The following AFF3 variants were observed in gnomAD, a reference collection of about 807,000 sequenced individuals.
AFF3 encodes ALF transcription elongation factor 3.
A neutral mutation model predicts 129.7 loss-of-function variants in AFF3; 32 were observed. The ratio of observed to expected loss-of-function variants is 0.25; its 90% CI spans 0.19 to 0.33. AFF3 has a LOEUF of 0.33. AFF3 is among the 10% of genes least tolerant of loss of function. The probability of loss-of-function intolerance (pLI) is 1.00; values close to 1 mark genes in which losing one functional copy is unlikely to be tolerated. For missense variants in AFF3, 1,373 were observed against 1,592.0 expected (o/e 0.86, Z 2.34); for synonymous variants, 644 against 635.4 (o/e 1.01, Z -0.20).
intron 11 of AFF3, among the ~76,000 whole-genome samples, chr2:99,717,494 C>G (rs1678502063): frequency 6.6e-6 from 1 of 152,130 alleles, no homozygotes; most frequent in Non-Finnish European, 1.5e-5. Flanking sequence ...GTGAAAAGCA[C>G]CTTTTCATCT....
chr2:99,716,270 C>T (rs1678372526), intron 11 of AFF3, among the ~76,000 whole-genome samples: 1 of 152,126 alleles, frequency 6.6e-6, no homozygotes, highest in African/African-American at 2.4e-5. Context: ...ATTTCAATTA[C>T]TTGATCTTCT....
At chr2:100,019,254 A>G (rs1683389170) in intron 4 of AFF3, among the ~76,000 whole-genome samples, 1 of 152,176 alleles carries the variant, frequency 6.6e-6, no homozygotes, top group South Asian at 2.1e-4. Context: ...CAGGACTACT[A>G]AGGAGATAGG....
intron 7 of AFF3, among the ~76,000 whole-genome samples, chr2:99,862,084 C>T (rs79522306): frequency 0.012 from 1,867 of 152,208 alleles, 50 homozygotes; most frequent in African/African-American, 0.043. Context: ...AGTCTTCCCC[C>T]ACACTTCCCC....
intron 7 of AFF3, among the ~76,000 whole-genome samples, chr2:99,957,674 A>G (rs1287855278): frequency 6.6e-6 from 1 of 152,234 alleles, no homozygotes; most frequent in East Asian, 1.9e-4. Context: ...GTGACAGACA[A>G]TAAACCACTG....
chr2:100,057,254 G>C (rs971496833), intron 4 of AFF3, among the ~76,000 whole-genome samples: 1 of 147,422 alleles, frequency 6.8e-6, no homozygotes, highest in Non-Finnish European at 1.5e-5. Context: ...TCGGGAGGCA[G>C]AGGTTGCAGT....
intron 7 of AFF3, among the ~76,000 whole-genome samples, chr2:99,912,824 T>G (rs1695194037): frequency 6.6e-6 from 1 of 152,236 alleles, no homozygotes; most frequent in South Asian, 2.1e-4. Flanking sequence ...TTAAGTCACT[T>G]AATTTTGCAG....
chr2:99,956,441 A>AG (rs924046836), intron 7 of AFF3, among the ~76,000 whole-genome samples: 24 of 151,554 alleles, frequency 1.6e-4, no homozygotes, highest in South Asian at 4.2e-4. Flanking sequence ...CTGAAGTTGG[A>AG]GGGGGGGGCT....
chr2:100,001,466 T>C (rs1681403136), intron 7 of AFF3, among the ~76,000 whole-genome samples: 1 of 152,260 alleles, frequency 6.6e-6, no homozygotes, highest in African/African-American at 2.4e-5. Context: ...TCTCACTCTG[T>C]CGCCCAGACT....
intron 11 of AFF3, chr2:99,707,047 T>C (rs920277885): frequency 1.0e-6 from 1 of 959,634 alleles, no homozygotes; most frequent in African/African-American, 1.8e-5. Flanking sequence ...CCCCAGAATG[T>C]AATCATCCTA....
intron 8 of AFF3, among the ~76,000 whole-genome samples, chr2:99,755,720 G>C (rs765501147): frequency 6.6e-6 from 1 of 152,080 alleles, no homozygotes; most frequent in Non-Finnish European, 1.5e-5. Flanking sequence ...TTTGGACTTC[G>C]TCTTGAAGAT....
rs530308296 is a variant in AFF3, at chr2:100,004,883, A to C, written c.873+1749T>G. Among the ~76,000 whole-genome samples, 6 of 152,028 alleles carry C rather than the reference A, an allele frequency of 3.9e-5. No individual in the cohort carries two copies. In the South Asian group the frequency reaches 1.2e-3, roughly 32 times the overall value. On this transcript the variant is annotated intron_variant, in intron 7 of 24. Coordinates refer to ENST00000672756, the MANE Select transcript of AFF3 (RefSeq NM_001386135.1). ...CAAAAAAAAAAAGAACCCACCCACCAATTTTTAACTTTCTTCTACAAACAC... is the reference window on the plus strand; with the variant it reads ...CAAAAAAAAAAAGAACCCACCCACCCATTTTTAACTTTCTTCTACAAACAC...
chr2:99,826,504 T>C (rs1032465036), intron 8 of AFF3, among the ~76,000 whole-genome samples: 1 of 152,172 alleles, frequency 6.6e-6, no homozygotes, highest in Non-Finnish European at 1.5e-5. Context: ...AAAGGCTTCC[T>C]GGAGGGAGTG....
chr2:99,923,393 T>C (rs1695993009), intron 7 of AFF3, among the ~76,000 whole-genome samples: 1 of 152,240 alleles, frequency 6.6e-6, no homozygotes, highest in Non-Finnish European at 1.5e-5. Context: ...TTGAAAAGCA[T>C]ACCAAGTAGC....
At chr2:99,705,811 T>C (rs1246036318) in intron 11 of AFF3, among the ~76,000 whole-genome samples, 2 of 137,878 alleles carry the variant, frequency 1.5e-5, no homozygotes, top group African/African-American at 2.7e-5. Flanking sequence ...GAGGCGGAGG[T>C]TGCAGTGAGC....
chr2:99,726,343 T>G (rs1679360357), intron 11 of AFF3, among the ~76,000 whole-genome samples: 1 of 152,190 alleles, frequency 6.6e-6, no homozygotes. Context: ...ACAAAGCCTA[T>G]CTTATAATAA....
intron 4 of AFF3, among the ~76,000 whole-genome samples, chr2:100,020,662 C>T (rs949143168): frequency 6.6e-6 from 1 of 152,056 alleles, no homozygotes; most frequent in Non-Finnish European, 1.5e-5. Context: ...ATTTCCCATG[C>T]CCCCCATATC....
In AFF3 at chr2:99,546,165, T is replaced by C. The variant is rs1674068587; in HGVS notation, c.*5309A>G. The C allele has an allele frequency of 4.3e-6, 1 of 230,040 alleles. No homozygotes were observed. 14.2% of individuals were successfully genotyped at this position (230,040 alleles called of 1,614,324 possible). Reference sequence around the variant, plus strand: ...GATCCGGGTTTCTTCGAAAATGTATTACTTTTTACAAATATAATTCTTATA... The same window carrying C: ...GATCCGGGTTTCTTCGAAAATGTATCACTTTTTACAAATATAATTCTTATA... On this transcript the variant is annotated 3_prime_UTR_variant, in exon 25 of 25. Transcript: ENST00000672756.
intron 4 of AFF3, among the ~76,000 whole-genome samples, chr2:100,062,964 G>C (rs890694069): frequency 6.6e-6 from 1 of 152,118 alleles, no homozygotes; most frequent in Admixed American, 6.6e-5. Flanking sequence ...AAAATGACCA[G>C]GCAGGGCTGG....
intron 8 of AFF3, among the ~76,000 whole-genome samples, chr2:99,759,451 T>C (rs368641959): frequency 7.9e-5 from 12 of 152,378 alleles, no homozygotes; most frequent in African/African-American, 2.9e-4. Flanking sequence ...TATTTACTTA[T>C]CTTTGTGGAG....
Sources: allele counts gnomAD v4.1 joint callset (sites outside exome capture counted in the v4.1 genomes callset), GRCh38; gene constraint gnomAD v4.1.1; transcripts MANE v1.5; gene names NCBI Gene and HGNC (gene_info 2026-07-23, HGNC 2026-07-21).